Variants in APOOL observed in about 807,000 individuals in gnomAD.
The protein encoded by APOOL is apolipoprotein O like, also known as MICOS complex subunit MIC27.
APOOL carries 12 observed loss-of-function variants against 23.1 expected under a neutral mutation model. The observed-to-expected ratio is 0.52, with a 90% CI of 0.33 to 0.84. APOOL has a LOEUF of 0.84. APOOL is among the 40% of genes least tolerant of loss of function. The pLI, the probability that APOOL is intolerant of heterozygous loss-of-function variation, is 0.02. For synonymous variants in APOOL, 77 were observed against 69.9 expected, an observed-to-expected ratio of 1.10 and a Z score of -0.51; for missense variants, 212 against 199.6, an observed-to-expected ratio of 1.06 and a Z score of -0.37.
intron 1 of APOOL, among the ~76,000 whole-genome samples, chrX:85,005,886 C>G (rs1421585784): frequency 8.9e-6 from 1 of 111,897 alleles, no homozygotes. Flanking sequence ...AAGGAATGGT[C>G]AGTGGCAAAA....
At chrX:85,010,715 T>C (rs1033626375) in intron 1 of APOOL, among the ~76,000 whole-genome samples, 3 of 112,227 alleles carry the variant, frequency 2.7e-5, no homozygotes, top group Non-Finnish European at 5.6e-5. Context: ...CCATGTTGTA[T>C]ACATACCACA....
chrX:85,073,707 A>G lies in APOOL; in HGVS notation c.487-291A>G, dbSNP rs138137876. 2.8e-4 allele frequency among the ~76,000 whole-genome samples: 31 copies of G among 111,056 alleles called. 1 individual carries two copies. The East Asian group carries it at 5.4e-3, about 19-fold the overall frequency. On this transcript the variant is annotated intron_variant, in intron 6 of 8. Coordinates refer to ENST00000373173, the MANE Select transcript of APOOL (RefSeq NM_198450.6). ...ATACCTTAAATAGATACAATTTTATATATGTCAATCTAATCTCACTAAAGC... is the reference window on the plus strand; with the variant it reads ...ATACCTTAAATAGATACAATTTTATGTATGTCAATCTAATCTCACTAAAGC...
chrX:85,031,460 T>C (rs984311623), intron 1 of APOOL, among the ~76,000 whole-genome samples: 1 of 111,888 alleles, frequency 8.9e-6, no homozygotes, highest in Non-Finnish European at 1.9e-5. Context: ...AGATAAATAA[T>C]AATATAATGT....
intron 2 of APOOL, among the ~76,000 whole-genome samples, chrX:85,049,650 T>C (rs1922694464): frequency 9.1e-6 from 1 of 109,947 alleles, no homozygotes; most frequent in Admixed American, 9.8e-5. Context: ...GCCGGGTTTG[T>C]TGGGGGTGTG....
intron 1 of APOOL, among the ~76,000 whole-genome samples, chrX:85,036,913 T>C (rs1922235969): frequency 9.0e-6 from 1 of 110,789 alleles, no homozygotes; most frequent in Non-Finnish European, 1.9e-5. Flanking sequence ...CATCCTCATG[T>C]ATTAGCTCTC....
In APOOL at chrX:85,092,712, C is replaced by G. The variant is rs762907895; in HGVS notation, c.*5034C>G. ...AGTTACCTTTTGAACTTTTCTATAG[C>G]TGTAAAAAGAAAAAAGTCTCACTGT... On this transcript the variant is annotated 3_prime_UTR_variant, in exon 9 of 9. Transcript: ENST00000373173. The G allele has an allele frequency of 3.3e-5, 17 of 513,597 alleles. No homozygotes were observed. Among genetic ancestry groups the G allele is most frequent in the Non-Finnish European group, 5.0e-5 (17 of 337,988 alleles). The allele number at this position is 513,597 out of a possible 1,213,427, so 42.3% of individuals were successfully genotyped here. A position where few individuals can be genotyped will look rare whatever the true frequency, so the allele number is the denominator to read the frequency against.
chrX:85,078,052 T>G (rs1352205818), intron 8 of APOOL, among the ~76,000 whole-genome samples: 1 of 112,001 alleles, frequency 8.9e-6, no homozygotes, highest in Non-Finnish European at 1.9e-5. Flanking sequence ...CTGTTCACTC[T>G]GATGGTAGTT....
At chrX:85,085,203 T>G in intron 8 of APOOL, among the ~76,000 whole-genome samples, 1 of 112,092 alleles carries the variant, frequency 8.9e-6, no homozygotes. Context: ...TCTGCAACTA[T>G]AATGTAATAA....
At chrX:85,087,382 T>C (rs1367361686) in intron 8 of APOOL, among the ~76,000 whole-genome samples, 1 of 110,477 alleles carries the variant, frequency 9.1e-6, no homozygotes, top group Admixed American at 9.7e-5. Flanking sequence ...ACCTAAGCAC[T>C]CCATATATCC....
intron 4 of APOOL, among the ~76,000 whole-genome samples, chrX:85,055,509 G>A (rs757474447): frequency 2.1e-4 from 24 of 111,689 alleles, no homozygotes; most frequent in African/African-American, 7.8e-4. Context: ...TAATACATAC[G>A]CAGTCAGAAA....
intron 2 of APOOL, among the ~76,000 whole-genome samples, chrX:85,049,730 T>C (rs1922697844): frequency 9.0e-6 from 1 of 110,778 alleles, no homozygotes; most frequent in African/African-American, 3.3e-5. Context: ...GAGGCTACAG[T>C]GAGCTGTGTT....
chrX:85,056,237 A>G (rs530279296), intron 5 of APOOL, among the ~76,000 whole-genome samples: 2 of 111,316 alleles, frequency 1.8e-5, no homozygotes, highest in South Asian at 3.8e-4. Context: ...TGTCTCATAT[A>G]TCAGTATCTC....
At chrX:85,080,374 A>T (rs1297154110) in intron 8 of APOOL, 1 of 111,523 alleles carries the variant, frequency 9.0e-6, no homozygotes, top group African/African-American at 3.3e-5. Flanking sequence ...GGAGCAGGTT[A>T]TTCAGTTTCC....
At chrX:85,086,901 G>A (rs955302498) in intron 8 of APOOL, among the ~76,000 whole-genome samples, 11 of 106,178 alleles carry the variant, frequency 1.0e-4, no homozygotes, top group Admixed American at 2.0e-4. Flanking sequence ...GGGTTTCACC[G>A]TGTTAGCCAA....
chrX:85,012,811 T>C (rs1437083376), intron 1 of APOOL, among the ~76,000 whole-genome samples: 1 of 111,595 alleles, frequency 9.0e-6, no homozygotes. Flanking sequence ...TTTCTTTTTT[T>C]TGTATGTCCT....
intron 5 of APOOL, among the ~76,000 whole-genome samples, chrX:85,058,869 CT>C (rs894291278): frequency 9.1e-6 from 1 of 109,984 alleles, no homozygotes; most frequent in Non-Finnish European, 1.9e-5. Flanking sequence ...TGTATGTCTT[CT>C]TTTTTTTAAT....
chrX:85,067,204 G>T lies in APOOL; in HGVS notation c.472G>T (p.Val158Leu). The T allele has an allele frequency of 8.8e-7, 1 of 1,137,936 alleles. No individual in the cohort carries two copies. The highest frequency in any genetic ancestry group is 1.2e-6 in the Non-Finnish European group (1 of 850,879). 93.8% of individuals were successfully genotyped at this position (1,137,936 alleles called of 1,213,427 possible). Reference protein sequence around the residue: ...GATVCYPVQSVIIAKVTAKKV... With the variant: ...GATVCYPVQSLIIAKVTAKKV... ...AACTGTTTGCTACCCAGTTCAGTCCGTAATAATTGCTAAGGTAAGTTCTTT... is the reference window on the plus strand; with the variant it reads ...AACTGTTTGCTACCCAGTTCAGTCCTTAATAATTGCTAAGGTAAGTTCTTT... The change falls in exon 6 of 9, where the codon GTA becomes TTA. Residue 158 changes from valine to leucine, a missense_variant. By Grantham distance (32) the Val-to-Leu change is conservative (BLOSUM62 1). Coordinates refer to ENST00000373173, the MANE Select transcript of APOOL (RefSeq NM_198450.6).
chrX:85,087,346 G>A (rs752437525), intron 8 of APOOL, among the ~76,000 whole-genome samples: 1 of 110,582 alleles, frequency 9.0e-6, no homozygotes, highest in East Asian at 2.9e-4. Flanking sequence ...GGCTTTCCCT[G>A]GCTGCCCTAT....
In APOOL at chrX:85,023,327, A is replaced by G. The variant is rs188765380; in HGVS notation, c.15+19400A>G. Among the ~76,000 whole-genome samples, 694 of 112,323 alleles carry G rather than the reference A, an allele frequency of 6.2e-3. 5 individuals are homozygous for G. The highest frequency in any genetic ancestry group is 0.022 in the African/African-American group (668 of 30,978). ...GAAAATTATTTCTTTTAAAATAGCT[A>G]CTATAAAAAATACTTAGAAATAAAT... is the stretch of plus-strand genomic sequence containing the variant. On this transcript the variant is annotated intron_variant, in intron 1 of 8. Transcript: ENST00000373173.
Sources: gnomAD v4.1 joint callset for allele counts (sites outside exome capture counted in the v4.1 genomes callset) on GRCh38, gnomAD v4.1.1 for gene constraint, MANE v1.5 for transcripts, NCBI Gene and HGNC (gene_info 2026-07-23, HGNC 2026-07-21) for gene names.